Variants in NCAM1 observed in about 807,000 individuals in gnomAD.
The protein encoded by NCAM1 is neural cell adhesion molecule 1, also known as antigen recognized by monoclonal antibody 5.1H11.
In NCAM1, 14 loss-of-function variants were observed where a neutral mutation model predicts 109.8. That is an observed-to-expected ratio of 0.13 (90% CI 0.08 to 0.20). The LOEUF (loss-of-function observed/expected upper bound fraction) is 0.20, where lower values mean the gene tolerates loss of function less well. Among genes scored for constraint, NCAM1 ranks in the 10% least tolerant of loss-of-function variants. The probability of loss-of-function intolerance (pLI) is 1.00; values close to 1 mark genes in which losing one functional copy is unlikely to be tolerated. For missense variants in NCAM1, 774 were observed against 1,109.9 expected (o/e 0.70, Z 4.30); for synonymous variants, 418 against 442.9 (o/e 0.94, Z 0.70).
chr11:113,190,671 G>T (rs1286898676), intron 1 of NCAM1, among the ~76,000 whole-genome samples: 4 of 152,050 alleles, frequency 2.6e-5, no homozygotes, highest in African/African-American at 9.7e-5. Context: ...GATGTCCCAG[G>T]GTATTCTGTT....
intron 1 of NCAM1, among the ~76,000 whole-genome samples, chr11:113,143,027 TCA>T (rs1177887356): frequency 6.6e-6 from 1 of 152,174 alleles, no homozygotes; most frequent in Admixed American, 6.5e-5. Context: ...TGACTGTGTC[TCA>T]GAGTTGTATC....
chr11:112,979,119 T>C (rs1354123311), intron 1 of NCAM1, among the ~76,000 whole-genome samples: 2 of 151,624 alleles, frequency 1.3e-5, no homozygotes, highest in Non-Finnish European at 3.0e-5. Flanking sequence ...TGTAGAGTGG[T>C]CCATAGACTT....
Position 113,243,721 on chromosome 11 carries a change from T to G in NCAM1, c.1826-2647T>G, listed in dbSNP as rs1945414493. 1.1e-4 allele frequency: 40 copies of G among 349,060 alleles called. 1 individual carries two copies. The highest frequency in any genetic ancestry group is 8.9e-4 in the South Asian group (40 of 44,960). 21.6% of individuals were successfully genotyped at this position (349,060 alleles called of 1,614,324 possible). A position where few individuals can be genotyped will look rare whatever the true frequency, so the allele number is the denominator to read the frequency against. ...AGCTGTGTGGGAGTTTTAGATTTTA[T>G]AATATTTCTGCTTGCACAGAAAAAA... On this transcript the variant is annotated intron_variant, in intron 14 of 19. Transcript: ENST00000316851.
intron 1 of NCAM1, among the ~76,000 whole-genome samples, chr11:113,176,010 T>A (rs1444920360): frequency 1.3e-5 from 2 of 152,156 alleles, no homozygotes; most frequent in East Asian, 3.8e-4. Flanking sequence ...ATATTATATA[T>A]CAATAATACA....
At chr11:113,161,157 A>C (rs1196043986) in intron 1 of NCAM1, among the ~76,000 whole-genome samples, 1 of 152,222 alleles carries the variant, frequency 6.6e-6, no homozygotes, top group Non-Finnish European at 1.5e-5. Flanking sequence ...GCCACCTAGG[A>C]GAAAAGAGAG....
intron 1 of NCAM1, among the ~76,000 whole-genome samples, chr11:113,094,113 C>T (rs1042917788): frequency 1.7e-4 from 26 of 152,232 alleles, no homozygotes; most frequent in Middle Eastern, 6.8e-3. Flanking sequence ...ACAGTTAAGA[C>T]GGCAGCTGCA....
intron 1 of NCAM1, among the ~76,000 whole-genome samples, chr11:113,036,815 T>C (rs531316601): frequency 7.1e-4 from 108 of 152,228 alleles, no homozygotes; most frequent in Non-Finnish European, 1.3e-3. Flanking sequence ...TTCATTACCA[T>C]TTTGCTTGTC....
intron 1 of NCAM1, among the ~76,000 whole-genome samples, chr11:112,989,682 T>C (rs1951406473): frequency 6.6e-6 from 1 of 152,194 alleles, no homozygotes; most frequent in Non-Finnish European, 1.5e-5. Flanking sequence ...AATTGCCTGA[T>C]TCTTTTTTAT....
At chr11:113,229,885 A>C (rs1555116874) in intron 9 of NCAM1, among the ~76,000 whole-genome samples, 1 of 152,096 alleles carries the variant, frequency 6.6e-6, no homozygotes, top group African/African-American at 2.4e-5. Context: ...TTGAACAATG[A>C]GAACACTTGG....
At chr11:113,081,471 C>G (rs543293628) in intron 1 of NCAM1, among the ~76,000 whole-genome samples, 18 of 152,356 alleles carry the variant, frequency 1.2e-4, no homozygotes, top group African/African-American at 1.9e-4. Flanking sequence ...ATGCTACGTA[C>G]AAGGCCACAG....
At chr11:113,263,685 C>G (rs985855003) in intron 17 of NCAM1, 2 of 985,618 alleles carry the variant, frequency 2.0e-6, no homozygotes, top group South Asian at 4.7e-5. Context: ...GGTGACTCCC[C>G]TGCTGCCTGG....
At position 113,216,306 on chromosome 11, in the gene NCAM1, C is replaced by T. The variant is rs555431784; in HGVS notation, c.1059+1795C>T. ...CTGGGACTACAGGCGCCCGCCACCTCGCCCGGCTAATTTTTTTTTGTATTT... is the reference window on the plus strand; with the variant it reads ...CTGGGACTACAGGCGCCCGCCACCTTGCCCGGCTAATTTTTTTTTGTATTT... On this transcript the variant is annotated intron_variant, in intron 8 of 19. Transcript: ENST00000316851. 7.2e-4 allele frequency among the ~76,000 whole-genome samples: 109 copies of T among 152,082 alleles called. 1 individual carries two copies. Among genetic ancestry groups the T allele is most frequent in the African/African-American group, 2.5e-3 (105 of 41,492 alleles).
intron 14 of NCAM1, among the ~76,000 whole-genome samples, chr11:113,236,804 C>A (rs1945181561): frequency 6.6e-6 from 1 of 152,202 alleles, no homozygotes. Context: ...AGCTCAGTTG[C>A]TTCCTTGCTT....
intron 1 of NCAM1, among the ~76,000 whole-genome samples, chr11:112,994,407 C>T (rs533916815): frequency 6.6e-6 from 1 of 152,314 alleles, no homozygotes; most frequent in South Asian, 2.1e-4. Context: ...ATAGGATCTT[C>T]TCATTATCCT....
At chr11:113,032,673 A>G (rs1180721897) in intron 1 of NCAM1, among the ~76,000 whole-genome samples, 1 of 152,156 alleles carries the variant, frequency 6.6e-6, no homozygotes, top group Non-Finnish European at 1.5e-5. Flanking sequence ...TCCCATTCTT[A>G]TATTCCTTAC....
chr11:113,096,801 G>A (rs991305567), intron 1 of NCAM1, among the ~76,000 whole-genome samples: 1 of 151,942 alleles, frequency 6.6e-6, no homozygotes, highest in Non-Finnish European at 1.5e-5. Flanking sequence ...TGTTGCCTCA[G>A]CCATCCTAAT....
intron 15 of NCAM1, among the ~76,000 whole-genome samples, chr11:113,249,238 T>C (rs531874850): frequency 1.3e-5 from 2 of 152,346 alleles, no homozygotes; most frequent in Admixed American, 1.3e-4. Flanking sequence ...ACTCCCTCCT[T>C]TATTTTTTCA....
At chr11:113,243,704 G>A in intron 14 of NCAM1, 2 of 400,786 alleles carry the variant, frequency 5.0e-6, no homozygotes, top group Non-Finnish European at 5.2e-6. Context: ...AAAGCTGTGT[G>A]GGAGTTTTAG....
intron 1 of NCAM1, among the ~76,000 whole-genome samples, chr11:112,996,305 C>G (rs543159960): frequency 6.8e-4 from 104 of 152,256 alleles, no homozygotes; most frequent in Non-Finnish European, 1.4e-3. Flanking sequence ...AACATGAGCT[C>G]TACCCTCAAC....
Sources: gnomAD v4.1 joint callset for allele counts (sites outside exome capture counted in the v4.1 genomes callset) on GRCh38, gnomAD v4.1.1 for gene constraint, MANE v1.5 for transcripts, NCBI Gene and HGNC (gene_info 2026-07-23, HGNC 2026-07-21) for gene names.